MTMR7: variants seen among roughly 807,000 people sequenced by gnomAD.
The protein encoded by MTMR7 is phosphatidylinositol-3-phosphate phosphatase MTMR7.
MTMR7 carries 76 observed loss-of-function variants against 81.2 expected under a neutral mutation model. That is an observed-to-expected ratio of 0.94 (90% CI 0.78 to 1.13). The LOEUF (loss-of-function observed/expected upper bound fraction) is 1.13. Ranked by LOEUF, MTMR7 falls within the 50% of genes most tolerant of loss-of-function variation. The probability of loss-of-function intolerance (pLI) is 0.00; values close to 1 mark genes in which losing one functional copy is unlikely to be tolerated. For synonymous variants in MTMR7, 372 were observed against 289.8 expected (o/e 1.28, Z -2.88); for missense variants, 1,044 against 820.0 (o/e 1.27, Z -3.34).
At chr8:17,325,796 T>C (rs1818652164) in intron 7 of MTMR7, among the ~76,000 whole-genome samples, 2 of 152,220 alleles carry the variant, frequency 1.3e-5, no homozygotes, top group African/African-American at 4.8e-5. Flanking sequence ...TTCATGTCTT[T>C]TGAATAAAGA....
At chr8:17,383,601 C>A (rs892236514) in intron 1 of MTMR7, among the ~76,000 whole-genome samples, 1 of 152,208 alleles carries the variant, frequency 6.6e-6, no homozygotes, top group Non-Finnish European at 1.5e-5. Context: ...CATCCTGGCT[C>A]AACAGTCTCT....
At chr8:17,300,492 C>A (rs985412657) in intron 13 of MTMR7, among the ~76,000 whole-genome samples, 2 of 152,134 alleles carry the variant, frequency 1.3e-5, no homozygotes, top group Admixed American at 6.5e-5. Context: ...CCAGTGAACC[C>A]TAGTCTCCCT....
intron 5 of MTMR7, among the ~76,000 whole-genome samples, chr8:17,346,669 T>C (rs1014395164): frequency 2.0e-5 from 3 of 150,444 alleles, no homozygotes; most frequent in Non-Finnish European, 3.0e-5. Flanking sequence ...AAAAAGGGAG[T>C]TGCTAGGCAC....
At chr8:17,392,361 T>C (rs1003882531) in intron 1 of MTMR7, among the ~76,000 whole-genome samples, 3 of 152,216 alleles carry the variant, frequency 2.0e-5, no homozygotes, top group Non-Finnish European at 2.9e-5. Context: ...TAGACTTACA[T>C]AGGAGGTTAC....
chr8:17,331,157 C>T lies in MTMR7; in HGVS notation c.858G>A (p.Met286Ile). 1 of 1,610,390 alleles carries T rather than the reference C, an allele frequency of 6.2e-7. No homozygotes were observed. Among genetic ancestry groups the T allele is most frequent in the Non-Finnish European group, 8.5e-7 (1 of 1,179,006 alleles). ...CATAAGGAAATGGTTTACCTTCCAG[C>T]ATTTTCTGCAGACTGTTCCTCATGA... ...IHVMRNSLQK[M>I]LEVCELKSPS... is the part of the protein sequence containing the mutation. The change falls in exon 7 of 14, where the codon ATG becomes ATA. Residue 286 changes from methionine (M) to isoleucine (I), a missense_variant. Transcript: ENST00000180173.
chr8:17,403,549 G>A (rs1047055658), intron 1 of MTMR7, among the ~76,000 whole-genome samples: 3 of 152,038 alleles, frequency 2.0e-5, no homozygotes, highest in African/African-American at 7.2e-5. Context: ...GAATACATTT[G>A]GCTATTCTGG....
intron 7 of MTMR7, among the ~76,000 whole-genome samples, chr8:17,316,691 G>C (rs181381651): frequency 1.6e-4 from 25 of 152,272 alleles, no homozygotes; most frequent in Admixed American, 3.3e-4. Context: ...AATGGTAATA[G>C]AAAACCAATC....
intron 7 of MTMR7, among the ~76,000 whole-genome samples, chr8:17,315,196 G>T (rs1817999212): frequency 6.6e-6 from 1 of 152,174 alleles, no homozygotes; most frequent in African/African-American, 2.4e-5. Context: ...GACACAGAGG[G>T]AAGTTAAATG....
chr8:17,311,701 A>G, intron 8 of MTMR7, 65 bp from the exon 9 acceptor site: 1 of 1,608,514 alleles, frequency 6.2e-7, no homozygotes, highest in Non-Finnish European at 8.5e-7. Context: ...ACCTCTCATC[A>G]CAGCCAGGTT....
intron 1 of MTMR7, among the ~76,000 whole-genome samples, chr8:17,390,210 C>T (rs911813099): frequency 5.3e-5 from 8 of 151,524 alleles, no homozygotes; most frequent in Non-Finnish European, 7.4e-5. Flanking sequence ...GGAAGCAGAG[C>T]GGCTTTTGCT....
intron 1 of MTMR7, among the ~76,000 whole-genome samples, chr8:17,379,828 C>T (rs1053778844): frequency 5.3e-5 from 8 of 151,960 alleles, no homozygotes; most frequent in African/African-American, 1.9e-4. Flanking sequence ...TAGTGAAGCA[C>T]CACAGGAAAT....
At chr8:17,307,478 C>T (rs62498844) in intron 10 of MTMR7, among the ~76,000 whole-genome samples, 15,925 of 151,842 alleles carry the variant, frequency 0.1, 1,114 homozygotes, top group African/African-American at 0.21. Flanking sequence ...GTCAGTGTGG[C>T]GATTCCTCAG....
intron 10 of MTMR7, 127 bp from the exon 11 acceptor site, chr8:17,306,084 G>T: frequency 1.4e-6 from 1 of 729,986 alleles, no homozygotes; most frequent in Non-Finnish European, 2.1e-6. Context: ...AACTTGGAAT[G>T]ACAAAAAAGG....
chr8:17,405,150 C>G (rs912417200), intron 1 of MTMR7, among the ~76,000 whole-genome samples: 4 of 152,180 alleles, frequency 2.6e-5, no homozygotes, highest in African/African-American at 7.2e-5. Flanking sequence ...CTGCGCCCAG[C>G]CTATCAGTTA....
At chr8:17,374,504 C>T (rs1820513597) in intron 1 of MTMR7, among the ~76,000 whole-genome samples, 1 of 151,974 alleles carries the variant, frequency 6.6e-6, no homozygotes, top group South Asian at 2.1e-4. Context: ...GCCTGTAGTC[C>T]CAGCTACTCA....
At chr8:17,313,224 G>A in intron 8 of MTMR7, 68 bp downstream of exon 8, 1 of 1,170,220 alleles carries the variant, frequency 8.5e-7, no homozygotes, top group Non-Finnish European at 1.3e-6. Context: ...CATGGCAGAG[G>A]GATACCCATT....
rs1040999415 is a variant in MTMR7 at position 17,336,950 on chromosome 8, C to A, written c.732+4413G>T. On this transcript the variant is annotated intron_variant, in intron 6 of 13. Coordinates refer to ENST00000180173, the MANE Select transcript of MTMR7 (RefSeq NM_004686.5). ...GGTTAGATAAGCCTGGATGTGAATC[C>A]TGGAATGTAAACTGTGAGACCCTGG... 2.6e-5 allele frequency among the ~76,000 whole-genome samples: 4 copies of A among 152,290 alleles called. No homozygotes were observed. In the East Asian group the frequency reaches 7.7e-4, roughly 29 times the overall value.
intron 1 of MTMR7, among the ~76,000 whole-genome samples, chr8:17,396,510 G>A (rs544947262): frequency 1.1e-4 from 17 of 151,880 alleles, no homozygotes; most frequent in Non-Finnish European, 1.8e-4. Flanking sequence ...GCAAAGATGT[G>A]TTGGGCTCAG....
chr8:17,408,606 C>T (rs538668182), intron 1 of MTMR7, among the ~76,000 whole-genome samples: 1 of 152,102 alleles, frequency 6.6e-6, no homozygotes, highest in African/African-American at 2.4e-5. Context: ...GTCACTTCTG[C>T]TCTTGGATAA....
Sources: gnomAD v4.1 joint callset for allele counts (sites outside exome capture counted in the v4.1 genomes callset) on GRCh38, gnomAD v4.1.1 for gene constraint, MANE v1.5 for transcripts, NCBI Gene and HGNC (gene_info 2026-07-23, HGNC 2026-07-21) for gene names.